The following UNC79 variants were observed in gnomAD, a reference collection of about 807,000 sequenced individuals.
UNC79 encodes the protein unc-79 subunit of NALCN channel complex, also known as protein unc-79 homolog.
A neutral mutation model predicts 283.1 loss-of-function variants in UNC79; 37 were observed. The ratio of observed to expected loss-of-function variants is 0.13; its 90% CI spans 0.10 to 0.17. The LOEUF (loss-of-function observed/expected upper bound fraction) is 0.17. Ranked by LOEUF, UNC79 falls within the 10% of genes least tolerant of loss-of-function variation. The pLI is 1.00. For missense variants in UNC79, 2,272 were observed against 3,211.1 expected (o/e 0.71, Z 7.07); for synonymous variants, 1,107 against 1,200.2 (o/e 0.92, Z 1.61).
At chr14:93,655,192 T>G in intron 37 of UNC79, 42 bp from the exon 41 acceptor site, 1 of 1,603,194 alleles carries the variant, frequency 6.2e-7, no homozygotes, top group Non-Finnish European at 8.5e-7. Context: ...TGCATTCCCG[T>G]GCTGTTTCAG....
chr14:93,542,366 G>A, intron 13 of UNC79, 100 bp from the exon 14 acceptor site: 1 of 1,194,498 alleles, frequency 8.4e-7, no homozygotes, highest in Non-Finnish European at 1.2e-6. Context: ...AGATTATCTG[G>A]GATATCTTTT....
chr14:93,495,245 C>T (rs534290221), intron 5 of UNC79, among the ~76,000 whole-genome samples: 10 of 152,264 alleles, frequency 6.6e-5, no homozygotes, highest in Admixed American at 3.9e-4. Context: ...CTCCCAGTTC[C>T]GCATGGCTGG....
intron 23 of UNC79, 44 bp from the exon 24 acceptor site, chr14:93,597,315 G>C (rs756840781): frequency 1.0e-5 from 16 of 1,587,328 alleles, no homozygotes; most frequent in Middle Eastern, 3.4e-4. Context: ...GTGCCTGTAG[G>C]TGTGTGTGTA....
At chr14:93,502,754 A>C (rs999581768) in intron 7 of UNC79, among the ~76,000 whole-genome samples, 34 of 152,232 alleles carry the variant, frequency 2.2e-4, no homozygotes, top group African/African-American at 8.2e-4. Context: ...CCACATTTCC[A>C]AGACAGGGAC....
Position 93,588,813 on chromosome 14 carries a change from A to G in UNC79, c.3032+1905A>G, listed in dbSNP as rs999478158. On this transcript the variant is annotated intron_variant, in intron 22 of 48. Coordinates refer to ENST00000555664, the Ensembl canonical transcript of UNC79. ...TTTATGGTCAGTGGGAAAGGGCCAGAGAAAGAAAACAGTTAGTGGGTGCAA... is the reference window on the plus strand; with the variant it reads ...TTTATGGTCAGTGGGAAAGGGCCAGGGAAAGAAAACAGTTAGTGGGTGCAA... Among the ~76,000 whole-genome samples the G allele has an allele frequency of 4.0e-5, 6 of 150,878 alleles. No individual in the cohort carries two copies. In the East Asian group the frequency reaches 1.2e-3, roughly 29 times the overall value.
chr14:93,621,044 A>T lies in UNC79; in HGVS notation c.4388-577A>T. The T allele has an allele frequency of 2.0e-6, 1 of 507,540 alleles. No homozygotes were observed. Among genetic ancestry groups the T allele is most frequent in the South Asian group, 1.4e-5 (1 of 70,138 alleles). The allele number at this position is 507,540 out of a possible 1,614,324, so 31.4% of individuals were successfully genotyped here. A position where few individuals can be genotyped will look rare whatever the true frequency, so the allele number is the denominator to read the frequency against. On this transcript the variant is annotated intron_variant, in intron 29 of 48. Coordinates refer to ENST00000555664, the Ensembl canonical transcript of UNC79. This position sits in a 1 kb window ranked among gnomAD's most constrained non-coding sequence, Gnocchi z 4.8. ...GGTTGAGATGAATGTTCAGAGAAGT[A>T]TGAATTTTTTCTCTTAGTAATTTTA...
At chr14:93,491,328 ATATCT>A (rs1283366303) in intron 5 of UNC79, among the ~76,000 whole-genome samples, 1 of 151,772 alleles carries the variant, frequency 6.6e-6, no homozygotes, top group African/African-American at 2.4e-5. Context: ...TGGGGAAATT[ATATCT>A]TATATATCTG....
chr14:93,377,869 C>T (rs756795870), intron 1 of UNC79, among the ~76,000 whole-genome samples: 1 of 152,194 alleles, frequency 6.6e-6, no homozygotes, highest in Non-Finnish European at 1.5e-5. Flanking sequence ...CCACTCCCAG[C>T]AGAGAATTAC....
rs60614302 is a variant in UNC79, at chr14:93,646,142, A to G, written c.6045-466A>G. ...AATACATTTCTCTTCTCAATGTAAC[A>G]TTTCCTTTTTCCTCATTTCAACCCA... On this transcript the variant is annotated intron_variant, in intron 34 of 48. Transcript: ENST00000555664. Among the ~76,000 whole-genome samples the G allele has an allele frequency of 1.5e-3, 230 of 152,260 alleles. No homozygotes were observed. In the East Asian group the frequency reaches 0.036, roughly 24 times the overall value.
At chr14:93,580,549 G>A (rs2141738286) in intron 19 of UNC79, among the ~76,000 whole-genome samples, 173 bp downstream of exon 19, 1 of 152,274 alleles carries the variant, frequency 6.6e-6, no homozygotes, top group South Asian at 2.1e-4. Flanking sequence ...TCTTGGAAAG[G>A]GATACAAACT....
At chr14:93,540,442 T>C (rs1416339193) in intron 12 of UNC79, among the ~76,000 whole-genome samples, 2 of 152,160 alleles carry the variant, frequency 1.3e-5, no homozygotes, top group Non-Finnish European at 2.9e-5. Context: ...TGTTCATCTT[T>C]GAAATGGGAA....
At chr14:93,654,110 C>T in intron 37 of UNC79, 85 bp downstream of exon 40, 1 of 1,050,044 alleles carries the variant, frequency 9.5e-7, no homozygotes, top group South Asian at 1.4e-5. Flanking sequence ...TTGAGTCACA[C>T]CATAGGATAC....
At chr14:93,444,647 G>A (rs1049205662) in intron 1 of UNC79, among the ~76,000 whole-genome samples, 1 of 151,930 alleles carries the variant, frequency 6.6e-6, no homozygotes, top group Non-Finnish European at 1.5e-5. Flanking sequence ...TTCCATGTAC[G>A]ATATCCAGTT....
At chr14:93,704,159 C>T (rs2075715616) in intron 47 of UNC79, among the ~76,000 whole-genome samples, 1 of 152,212 alleles carries the variant, frequency 6.6e-6, no homozygotes, top group South Asian at 2.1e-4. Context: ...TTCCAGATCG[C>T]AGCCAGGCAT....
chr14:93,383,043 T>G (rs1270229148), intron 1 of UNC79, among the ~76,000 whole-genome samples: 2 of 152,188 alleles, frequency 1.3e-5, no homozygotes, highest in African/African-American at 4.8e-5. Context: ...GAAAGAATAT[T>G]TAGCTGGGAT....
chr14:93,610,737 A>T (rs529278039), intron 26 of UNC79, among the ~76,000 whole-genome samples: 1 of 151,708 alleles, frequency 6.6e-6, no homozygotes, highest in South Asian at 2.1e-4. Flanking sequence ...CAGCCTCCCG[A>T]GTAGCTGGGA....
chr14:93,498,881 T>TGA (rs904144926), intron 7 of UNC79, among the ~76,000 whole-genome samples: 3 of 151,894 alleles, frequency 2.0e-5, no homozygotes, highest in Admixed American at 2.0e-4. Context: ...TTTCTGAAAA[T>TGA]GAGAGAGAGA....
intron 1 of UNC79, among the ~76,000 whole-genome samples, chr14:93,440,038 GA>G (rs901019237): frequency 6.6e-6 from 1 of 151,560 alleles, no homozygotes; most frequent in African/African-American, 2.4e-5. Context: ...AAATATTTGG[GA>G]AAAAAACAAT....
exon 47 of UNC79, chr14:93,694,347 G>A: frequency 6.2e-7 from 1 of 1,609,372 alleles, no homozygotes; most frequent in Non-Finnish European, 8.5e-7. Context: ...GGTAGAAATG[G>A]TGTGTCTCCA....
Sources: allele counts gnomAD v4.1 joint callset (sites outside exome capture counted in the v4.1 genomes callset), GRCh38; gene constraint gnomAD v4.1.1; non-coding constraint Gnocchi (gnomAD v3.1); transcripts MANE v1.5; gene names NCBI Gene and HGNC (gene_info 2026-07-23, HGNC 2026-07-21).